Variants in PPARGC1A observed in about 807,000 individuals in gnomAD.
PPARGC1A encodes the protein peroxisome proliferator-activated receptor gamma coactivator 1-alpha.
Under a neutral mutation model 88.7 loss-of-function variants are expected in PPARGC1A, and 25 were observed. The ratio of observed to expected loss-of-function variants is 0.28; its 90% CI spans 0.21 to 0.39. The LOEUF (loss-of-function observed/expected upper bound fraction) is 0.39. Ranked by LOEUF, PPARGC1A falls within the 10% of genes least tolerant of loss-of-function variation. PPARGC1A has a pLI of 1.00. For missense variants in PPARGC1A, 880 were observed against 968.7 expected (o/e 0.91, Z 1.22); for synonymous variants, 363 against 355.6 (o/e 1.02, Z -0.24).
At chr4:23,800,664 G>T (rs1236743063) in intron 12 of PPARGC1A, among the ~76,000 whole-genome samples, 1 of 151,264 alleles carries the variant, frequency 6.6e-6, no homozygotes, top group Non-Finnish European at 1.5e-5. Context: ...ACAAAATACT[G>T]GAAGGCAAAT....
intron 2 of PPARGC1A, among the ~76,000 whole-genome samples, chr4:23,839,811 A>AAT (rs1234158689): frequency 6.7e-6 from 1 of 149,026 alleles, no homozygotes; most frequent in Non-Finnish European, 1.5e-5. Flanking sequence ...AAAAAAAAGA[A>AAT]GTTTGTGCAG....
At chr4:24,263,290 A>G in the PPARGC1A span, among the ~76,000 whole-genome samples, 1 of 152,236 alleles carries the variant, frequency 6.6e-6, no homozygotes, top group Non-Finnish European at 1.5e-5. Flanking sequence ...TCCAATGGTG[A>G]TAAAACAAAG....
At chr4:24,297,855 C>T in the PPARGC1A span, among the ~76,000 whole-genome samples, 1 of 152,160 alleles carries the variant, frequency 6.6e-6, no homozygotes, top group South Asian at 2.1e-4. Context: ...GTCAACTATG[C>T]TCTGGGTCAA....
the PPARGC1A span, among the ~76,000 whole-genome samples, chr4:24,183,996 C>T: frequency 6.6e-6 from 1 of 152,156 alleles, no homozygotes; most frequent in South Asian, 2.1e-4. Flanking sequence ...TGCTACATTC[C>T]TGAAGGATAT....
the PPARGC1A span, among the ~76,000 whole-genome samples, chr4:24,448,565 C>A: frequency 2.6e-5 from 4 of 152,220 alleles, no homozygotes; most frequent in Non-Finnish European, 5.9e-5. Context: ...TCACATCACC[C>A]ACAGTATGGA....
chr4:24,467,994 A>C, the PPARGC1A span, among the ~76,000 whole-genome samples: 2 of 152,234 alleles, frequency 1.3e-5, no homozygotes, highest in Admixed American at 1.3e-4. Context: ...CTGGTCAATC[A>C]GGTGAGTAAA....
chr4:23,794,544 A>G lies in PPARGC1A; in HGVS notation c.*1278T>C, dbSNP rs905021196. ...TTTTTGTTTTTACAATCAAATATAT[A>G]TAAGCAGTAAGTTCAGCTTCTAAAT... is the stretch of plus-strand genomic sequence containing the variant. On this transcript the variant is annotated 3_prime_UTR_variant, in exon 13 of 13. Coordinates refer to ENST00000264867, the MANE Select transcript of PPARGC1A (RefSeq NM_013261.5). The G allele has an allele frequency of 5.9e-5, 9 of 152,656 alleles. No individual in the cohort carries two copies. Among genetic ancestry groups the G allele is most frequent in the African/African-American group, 1.4e-4 (6 of 41,566 alleles). 9.5% of individuals were successfully genotyped at this position (152,656 alleles called of 1,614,324 possible). A position where few individuals can be genotyped will look rare whatever the true frequency, so the allele number is the denominator to read the frequency against.
rs564764129 is a variant in PPARGC1A, at chr4:23,888,841, C to A, written c.54+1063G>T. 9.9e-6 allele frequency: 7 copies of A among 705,478 alleles called. No individual in the cohort carries two copies. In the East Asian group the frequency reaches 6.7e-4, roughly 68 times the overall value. The allele number at this position is 705,478 out of a possible 1,614,324, so 43.7% of individuals were successfully genotyped here. A position where few individuals can be genotyped will look rare whatever the true frequency, so the allele number is the denominator to read the frequency against. ...GGGCTTGATCCTCCCCCTTACCCTA[C>A]GTGCCCCCAGCTACCCAGAGGAAAC... is the stretch of plus-strand genomic sequence containing the variant. On this transcript the variant is annotated intron_variant, in intron 1 of 12. Transcript: ENST00000264867.
chr4:23,926,454 C>G, the PPARGC1A span, among the ~76,000 whole-genome samples: 27 of 152,276 alleles, frequency 1.8e-4, no homozygotes, highest in East Asian at 5.0e-3. Context: ...TTCAAGCCAG[C>G]GATCTTTCTA....
the PPARGC1A span, among the ~76,000 whole-genome samples, chr4:24,416,212 T>C: frequency 6.6e-6 from 1 of 152,186 alleles, no homozygotes; most frequent in African/African-American, 2.4e-5. Flanking sequence ...GCACAATGTC[T>C]TATGCTAGAG....
the PPARGC1A span, among the ~76,000 whole-genome samples, chr4:24,197,407 T>C: frequency 1.1e-3 from 168 of 152,338 alleles, 4 homozygotes; most frequent in South Asian, 0.034. Context: ...AGTGGGATTA[T>C]TCATTCCTGA....
the PPARGC1A span, among the ~76,000 whole-genome samples, chr4:24,470,271 G>GAC: frequency 2.1e-3 from 153 of 72,006 alleles, no homozygotes; most frequent in Non-Finnish European, 3.5e-3. The surrounding 1 kb of genome is among the most constrained non-coding windows in gnomAD (Gnocchi z 5.8). Context: ...CTCATCGACA[G>GAC]ACACAGACAC....
the PPARGC1A span, among the ~76,000 whole-genome samples, chr4:24,355,921 G>T: frequency 1.3e-5 from 2 of 152,300 alleles, no homozygotes; most frequent in Non-Finnish European, 2.9e-5. Flanking sequence ...TTACGGCGGG[G>T]CACGATGGCT....
the PPARGC1A span, among the ~76,000 whole-genome samples, chr4:24,287,226 C>T: frequency 2.6e-5 from 4 of 151,638 alleles, no homozygotes; most frequent in Non-Finnish European, 5.9e-5. Context: ...AAAATGTATC[C>T]AGACATTGCC....
At chr4:23,972,383 A>G in the PPARGC1A span, among the ~76,000 whole-genome samples, 4 of 152,196 alleles carry the variant, frequency 2.6e-5, no homozygotes, top group African/African-American at 9.7e-5. Context: ...ATAGATAGAG[A>G]TGGCCAAAGT....
chr4:24,303,033 C>A, the PPARGC1A span, among the ~76,000 whole-genome samples: 1 of 152,206 alleles, frequency 6.6e-6, no homozygotes, highest in East Asian at 1.9e-4. Context: ...CTTCCCCTGA[C>A]ATAAAAACCC....
chr4:23,808,839 T>C (rs1720351546), intron 10 of PPARGC1A, among the ~76,000 whole-genome samples: 1 of 152,202 alleles, frequency 6.6e-6, no homozygotes, highest in Non-Finnish European at 1.5e-5. Flanking sequence ...GAAAAGTTTA[T>C]AGATCTCCTA....
chr4:23,966,885 AGCCAGCTTCTCATCAC>A, the PPARGC1A span, among the ~76,000 whole-genome samples: 1 of 152,112 alleles, frequency 6.6e-6, no homozygotes, highest in East Asian at 1.9e-4. Flanking sequence ...GAATGGAGAG[AGCCAGCTTCTCATCAC>A]GCCATACTGC....
In PPARGC1A at chr4:23,829,490, C is replaced by T; in HGVS notation, c.525G>A (p.Arg175=). The change falls in exon 4 of 13, where the codon AGG becomes AGA. Residue 175 remains arginine, a synonymous_variant. Coordinates refer to ENST00000264867, the MANE Select transcript of PPARGC1A (RefSeq NM_013261.5). Reference sequence around the variant, plus strand: ...TAACAATTGCAGGGTTTGTTCTGATCCTGTGATTGTGATTTGCATGGTTCT... The same window carrying T: ...TAACAATTGCAGGGTTTGTTCTGATTCTGTGATTGTGATTTGCATGGTTCT... ...STQNHANHNH[R]IRTNPAIVKT... The T allele has an allele frequency of 6.2e-7, 1 of 1,613,684 alleles. No homozygotes were observed. The highest frequency in any genetic ancestry group is 8.5e-7 in the Non-Finnish European group (1 of 1,179,664).
Sources: allele counts gnomAD v4.1 joint callset (sites outside exome capture counted in the v4.1 genomes callset), GRCh38; gene constraint gnomAD v4.1.1; non-coding constraint Gnocchi (gnomAD v3.1); transcripts MANE v1.5; gene names NCBI Gene and HGNC (gene_info 2026-07-23, HGNC 2026-07-21).